The following STXBP5L variants were observed in gnomAD, a reference collection of about 807,000 sequenced individuals.
STXBP5L encodes the protein syntaxin-binding protein 5-like.
In STXBP5L, 65 loss-of-function variants were observed where a neutral mutation model predicts 144.5. The ratio of observed to expected loss-of-function variants is 0.45; its 90% CI spans 0.37 to 0.55. The LOEUF is 0.55. STXBP5L is among the 20% of genes least tolerant of loss of function. The probability of loss-of-function intolerance (pLI) is 0.00; values close to 1 mark genes in which losing one functional copy is unlikely to be tolerated. For synonymous variants in STXBP5L, 505 were observed against 469.6 expected, an observed-to-expected ratio of 1.08 and a Z score of -0.97; for missense variants, 1,298 against 1,405.5, an observed-to-expected ratio of 0.92 and a Z score of 1.22.
At chr3:121,212,566 G>T (rs754175736) in intron 10 of STXBP5L, among the ~76,000 whole-genome samples, 3 of 151,984 alleles carry the variant, frequency 2.0e-5, no homozygotes, top group Non-Finnish European at 2.9e-5. Context: ...CTGTTCCATT[G>T]GTCTGTATAT....
chr3:120,912,051 T>C (rs1489293397), intron 2 of STXBP5L, among the ~76,000 whole-genome samples: 1 of 152,014 alleles, frequency 6.6e-6, no homozygotes, highest in East Asian at 1.9e-4. Context: ...GAAAGCCTCC[T>C]CTCTTCTATC....
chr3:121,370,857 G>A (rs1367651072), intron 20 of STXBP5L, among the ~76,000 whole-genome samples: 1 of 152,152 alleles, frequency 6.6e-6, no homozygotes, highest in African/African-American at 2.4e-5. Context: ...AGCTCTATCA[G>A]CTCAGTTACA....
At chr3:121,055,540 C>T (rs988874574) in intron 5 of STXBP5L, among the ~76,000 whole-genome samples, 1 of 151,948 alleles carries the variant, frequency 6.6e-6, no homozygotes, top group African/African-American at 2.4e-5. Context: ...AGACAGGGTC[C>T]TGCTCTGTCT....
chr3:121,131,944 T>G (rs2045008860), intron 7 of STXBP5L, among the ~76,000 whole-genome samples: 1 of 152,200 alleles, frequency 6.6e-6, no homozygotes. Flanking sequence ...GATGCCCTCT[T>G]ACCAGAAACC....
intron 3 of STXBP5L, among the ~76,000 whole-genome samples, chr3:120,979,887 T>C (rs1941565890): frequency 1.3e-5 from 2 of 152,226 alleles, no homozygotes; most frequent in South Asian, 4.1e-4. Flanking sequence ...TTAGCATTTC[T>C]TTTGCTGTAT....
chr3:121,311,590 C>T (rs934195438), intron 19 of STXBP5L, among the ~76,000 whole-genome samples: 23 of 152,024 alleles, frequency 1.5e-4, no homozygotes, highest in Non-Finnish European at 2.2e-4. Context: ...CTCCCATTCA[C>T]AATTGCTTCA....
At chr3:121,103,049 C>T (rs2043509043) in intron 5 of STXBP5L, among the ~76,000 whole-genome samples, 1 of 152,054 alleles carries the variant, frequency 6.6e-6, no homozygotes, top group Non-Finnish European at 1.5e-5. Flanking sequence ...AGTCTAAAAA[C>T]CACAAATGCT....
intron 3 of STXBP5L, among the ~76,000 whole-genome samples, chr3:120,999,440 C>A (rs601567): frequency 0.25 from 38,347 of 152,008 alleles, 4,997 homozygotes; most frequent in African/African-American, 0.28. Flanking sequence ...TTTCTCCATC[C>A]CTTTAATTTG....
chr3:121,210,828 C>T (rs889878337), intron 10 of STXBP5L, among the ~76,000 whole-genome samples: 8 of 152,180 alleles, frequency 5.3e-5, no homozygotes, highest in Non-Finnish European at 8.8e-5. Context: ...GTTTTGGTTA[C>T]TGTAGCCTTG....
At chr3:121,079,545 A>G (rs981072301) in intron 5 of STXBP5L, among the ~76,000 whole-genome samples, 2 of 152,230 alleles carry the variant, frequency 1.3e-5, no homozygotes, top group Non-Finnish European at 2.9e-5. Context: ...TACTGCTACT[A>G]TTAAGTTATA....
At chr3:121,022,935 G>A (rs1232470441) in intron 3 of STXBP5L, among the ~76,000 whole-genome samples, 6 of 152,012 alleles carry the variant, frequency 3.9e-5, no homozygotes, top group Admixed American at 1.3e-4. Flanking sequence ...GAAAGAAAGG[G>A]CATCCAAACT....
chr3:121,171,026 G>T (rs761683598), intron 9 of STXBP5L, among the ~76,000 whole-genome samples: 2 of 152,162 alleles, frequency 1.3e-5, no homozygotes, highest in Non-Finnish European at 2.9e-5. Flanking sequence ...GGGAAGCAAG[G>T]CTGGTTCAAC....
rs558826458 is a variant in STXBP5L, at chr3:120,994,556, G to T, written c.287+39519G>T. On this transcript the variant is annotated intron_variant, in intron 3 of 26. Transcript: ENST00000471454. ...CTCTGTTTAGATGATCATATGATTT[G>T]TGTCCTTATTTTGTTGATGTATTTC... 4.8e-3 allele frequency among the ~76,000 whole-genome samples: 726 copies of T among 152,042 alleles called. 6 individuals carry two copies. The highest frequency in any genetic ancestry group is 0.016 in the African/African-American group (683 of 41,508).
intron 19 of STXBP5L, 86 bp downstream of exon 19, chr3:121,280,042 C>G: frequency 7.0e-7 from 1 of 1,431,970 alleles, no homozygotes; most frequent in Non-Finnish European, 9.4e-7. Context: ...TTCTCTGATA[C>G]TATTCAAATG....
intron 20 of STXBP5L, among the ~76,000 whole-genome samples, chr3:121,319,663 G>C (rs1037401827): frequency 6.6e-6 from 1 of 152,118 alleles, no homozygotes; most frequent in Non-Finnish European, 1.5e-5. Context: ...GTAGATGTCT[G>C]TATTTTCTCT....
rs974380025 is a variant in STXBP5L, at chr3:121,324,645, A to G, written c.2176+6105A>G. On this transcript the variant is annotated intron_variant, in intron 20 of 26. Coordinates refer to ENST00000471454, the MANE Select transcript of STXBP5L (RefSeq NM_001308330.2). ...GTTATTCATATCTTCACAATTTTCT[A>G]GGCTTCACAACTTGTCTCAAAACTT... 3 of 634,480 alleles carry G rather than the reference A, an allele frequency of 4.7e-6. No individual in the cohort carries two copies. In the African/African-American group the frequency reaches 5.5e-5, roughly 12 times the overall value. The allele number at this position is 634,480 out of a possible 1,614,324, so 39.3% of individuals were successfully genotyped here.
At chr3:121,338,366 A>G (rs2044579066) in intron 20 of STXBP5L, among the ~76,000 whole-genome samples, 3 of 152,038 alleles carry the variant, frequency 2.0e-5, no homozygotes, top group Admixed American at 6.6e-5. Flanking sequence ...ATGGATGGCC[A>G]GGTGCGGTGG....
At chr3:121,029,971 C>A (rs948893547) in intron 3 of STXBP5L, among the ~76,000 whole-genome samples, 2 of 152,098 alleles carry the variant, frequency 1.3e-5, no homozygotes, top group African/African-American at 4.8e-5. Flanking sequence ...ATCAAAACTA[C>A]AATGAGATAC....
intron 19 of STXBP5L, among the ~76,000 whole-genome samples, chr3:121,312,446 C>CTTTTTTTTTT (rs58989280): frequency 7.8e-5 from 1 of 12,752 alleles, no homozygotes; most frequent in Non-Finnish European, 1.2e-4. Flanking sequence ...GTATGTCAAT[C>CTTTTTTTTTT]TTTTTTTTTT....
Sources: allele counts gnomAD v4.1 joint callset (sites outside exome capture counted in the v4.1 genomes callset), GRCh38; gene constraint gnomAD v4.1.1; transcripts MANE v1.5; gene names NCBI Gene and HGNC (gene_info 2026-07-23, HGNC 2026-07-21).